The following RAB11FIP4 variants were observed in gnomAD, a reference collection of about 807,000 sequenced individuals.
The protein encoded by RAB11FIP4 is RAB11 family interacting protein 4.
A neutral mutation model predicts 74.3 loss-of-function variants in RAB11FIP4; 23 were observed. The observed-to-expected ratio is 0.31, with a 90% CI of 0.22 to 0.44. The LOEUF (loss-of-function observed/expected upper bound fraction) is 0.44, where lower values mean the gene tolerates loss of function less well. Among genes scored for constraint, RAB11FIP4 ranks in the 20% least tolerant of loss-of-function variants. The pLI, the probability that RAB11FIP4 is intolerant of heterozygous loss-of-function variation, is 1.00. For missense variants in RAB11FIP4, 630 were observed against 863.9 expected (o/e 0.73, Z 3.39); for synonymous variants, 360 against 359.9 (o/e 1.00, Z 0.00).
chr17:31,424,611 T>C (rs989211652), intron 1 of RAB11FIP4, among the ~76,000 whole-genome samples: 3 of 147,228 alleles, frequency 2.0e-5, no homozygotes, highest in Admixed American at 1.4e-4. Flanking sequence ...AGTCTCGCTC[T>C]GTTGTCCAGC....
At chr17:31,471,635 C>T (rs1236367173) in intron 3 of RAB11FIP4, among the ~76,000 whole-genome samples, 3 of 152,006 alleles carry the variant, frequency 2.0e-5, no homozygotes, top group African/African-American at 4.8e-5. Flanking sequence ...GAGAGGTGGC[C>T]GTGTGCCCAG....
At chr17:31,462,012 A>G (rs1347938646) in intron 3 of RAB11FIP4, among the ~76,000 whole-genome samples, 3 of 152,116 alleles carry the variant, frequency 2.0e-5, no homozygotes, top group Non-Finnish European at 4.4e-5. Context: ...CTGTAATCCC[A>G]ACACTTTGGG....
chr17:31,466,495 A>G (rs2071687377), intron 3 of RAB11FIP4, among the ~76,000 whole-genome samples: 1 of 152,168 alleles, frequency 6.6e-6, no homozygotes, highest in Admixed American at 6.5e-5. Flanking sequence ...CTGTTACACC[A>G]TTTTACAGGC....
intron 3 of RAB11FIP4, among the ~76,000 whole-genome samples, chr17:31,480,921 C>T (rs780840018): frequency 2.6e-5 from 4 of 151,596 alleles, no homozygotes; most frequent in Non-Finnish European, 5.9e-5. Flanking sequence ...TTTATTGTTT[C>T]ATCATCTGAC....
At chr17:31,525,038 T>C (rs2072739243) in intron 9 of RAB11FIP4, 52 bp from the exon 10 acceptor site, 1 of 1,548,330 alleles carries the variant, frequency 6.5e-7, no homozygotes, top group African/African-American at 1.4e-5. Flanking sequence ...ACAGCCTGGG[T>C]TGGGGTGAAA....
At chr17:31,404,983 GC>G (rs2071029351) in intron 1 of RAB11FIP4, among the ~76,000 whole-genome samples, 1 of 152,152 alleles carries the variant, frequency 6.6e-6, no homozygotes, top group Admixed American at 6.5e-5. Flanking sequence ...GACCAGGCAG[GC>G]TGGAGGCAGG....
chr17:31,392,868 C>T (rs1427377100), intron 1 of RAB11FIP4, among the ~76,000 whole-genome samples: 1 of 152,152 alleles, frequency 6.6e-6, no homozygotes, highest in Non-Finnish European at 1.5e-5. Flanking sequence ...CAGGGGTTTC[C>T]CCTGGAGCCA....
intron 3 of RAB11FIP4, among the ~76,000 whole-genome samples, chr17:31,468,541 G>T (rs1004707590): frequency 7.2e-5 from 11 of 152,172 alleles, no homozygotes; most frequent in East Asian, 1.9e-4. Context: ...TTAAGGTAAA[G>T]AATTTCTGGC....
chr17:31,404,414 C>T lies in RAB11FIP4; in HGVS notation c.159+12403C>T, dbSNP rs115024112. ...GTGACTGGGAGCTGGGCCCTAGTGT[C>T]AGACACATCTGGTTTGAGACCCAGC... On this transcript the variant is annotated intron_variant, in intron 1 of 14. Transcript: ENST00000621161. Among the ~76,000 whole-genome samples, 1,315 of 152,368 alleles carry T rather than the reference C, an allele frequency of 8.6e-3. 23 individuals are homozygous for T. The highest frequency in any genetic ancestry group is 0.03 in the African/African-American group (1,248 of 41,582).
chr17:31,398,401 A>C (rs1319707461), intron 1 of RAB11FIP4, among the ~76,000 whole-genome samples: 1 of 152,112 alleles, frequency 6.6e-6, no homozygotes, highest in Non-Finnish European at 1.5e-5. Context: ...TTCCAGCGTC[A>C]TTCCCAAGAC....
chr17:31,489,747 G>C (rs903160761), intron 3 of RAB11FIP4, among the ~76,000 whole-genome samples: 12 of 152,134 alleles, frequency 7.9e-5, no homozygotes, highest in African/African-American at 2.2e-4. Context: ...GTCGCCTGGC[G>C]GGGTGAGGGA....
At chr17:31,433,208 C>T (rs76134945) in intron 2 of RAB11FIP4, among the ~76,000 whole-genome samples, 2,317 of 152,270 alleles carry the variant, frequency 0.015, 53 homozygotes, top group African/African-American at 0.052. Flanking sequence ...GCTAAGGCCT[C>T]CCCACTAGCT....
chr17:31,416,580 G>T (rs1001496137), intron 1 of RAB11FIP4, among the ~76,000 whole-genome samples: 15 of 152,210 alleles, frequency 9.9e-5, no homozygotes, highest in African/African-American at 3.6e-4. Flanking sequence ...CCTATTGTGT[G>T]CCCTGATGTC....
intron 3 of RAB11FIP4, among the ~76,000 whole-genome samples, chr17:31,476,075 A>T (rs993940442): frequency 1.3e-5 from 2 of 151,530 alleles, no homozygotes; most frequent in African/African-American, 2.4e-5. Context: ...GAATTGAACC[A>T]GTATTTCCCC....
At chr17:31,497,737 T>C (rs565452332) in intron 3 of RAB11FIP4, among the ~76,000 whole-genome samples, 1 of 152,214 alleles carries the variant, frequency 6.6e-6, no homozygotes, top group Admixed American at 6.5e-5. Flanking sequence ...CACATGGGGA[T>C]GTCTGGGTGA....
At chr17:31,517,978 T>G in intron 4 of RAB11FIP4, 101 bp downstream of exon 4, 1 of 916,878 alleles carries the variant, frequency 1.1e-6, no homozygotes, top group Non-Finnish European at 1.7e-6. Context: ...ATGCTCAAAA[T>G]TTGTATCAGA....
intron 6 of RAB11FIP4, 22 bp downstream of exon 6, chr17:31,522,071 G>T: frequency 2.5e-6 from 4 of 1,613,780 alleles, no homozygotes; most frequent in Non-Finnish European, 2.5e-6. Flanking sequence ...GCCCAGCTGG[G>T]GGGTGAGAGG....
At chr17:31,453,463 C>T (rs77793712) in intron 3 of RAB11FIP4, among the ~76,000 whole-genome samples, 2,431 of 151,342 alleles carry the variant, frequency 0.016, 65 homozygotes, top group African/African-American at 0.056. Context: ...ACTTGGGCCA[C>T]GCCGAACAAG....
At chr17:31,408,059 T>C (rs2071058908) in intron 1 of RAB11FIP4, among the ~76,000 whole-genome samples, 1 of 152,176 alleles carries the variant, frequency 6.6e-6, no homozygotes. Flanking sequence ...CACTATGAAC[T>C]TGTGGCTCCT....
Sources: gnomAD v4.1 joint callset for allele counts (sites outside exome capture counted in the v4.1 genomes callset) on GRCh38, gnomAD v4.1.1 for gene constraint, MANE v1.5 for transcripts, NCBI Gene and HGNC (gene_info 2026-07-23, HGNC 2026-07-21) for gene names.